Variants in SGCD observed in about 807,000 individuals in gnomAD.
The protein encoded by SGCD is sarcoglycan delta, also known as delta-sarcoglycan.
SGCD carries 18 observed loss-of-function variants against 36.6 expected under a neutral mutation model. The observed-to-expected ratio is 0.49, with a 90% CI of 0.34 to 0.73. SGCD has a LOEUF of 0.73. Among genes scored for constraint, SGCD ranks in the 30% least tolerant of loss-of-function variants. The pLI is 0.01. For synonymous variants in SGCD, 133 were observed against 130.6 expected, an observed-to-expected ratio of 1.02 and a Z score of -0.12; for missense variants, 387 against 346.7, an observed-to-expected ratio of 1.12 and a Z score of -0.92.
chr5:155,956,095 T>G (rs1757643808), intron 1 of SGCD, among the ~76,000 whole-genome samples: 1 of 147,252 alleles, frequency 6.8e-6, no homozygotes, highest in Non-Finnish European at 1.5e-5. Context: ...TGAAATTGCT[T>G]TCTTGCTCTT....
At chr5:156,421,319 G>C (rs529457935) in intron 3 of SGCD, among the ~76,000 whole-genome samples, 1 of 152,060 alleles carries the variant, frequency 6.6e-6, no homozygotes, top group East Asian at 1.9e-4. Flanking sequence ...TCATAATCAG[G>C]TTATGATACA....
At chr5:155,872,844 G>A (rs577044818) in intron 1 of SGCD, among the ~76,000 whole-genome samples, 41 of 152,252 alleles carry the variant, frequency 2.7e-4, no homozygotes, top group Non-Finnish European at 2.9e-4. Flanking sequence ...GGAAAATGTC[G>A]GGATCCAGCA....
At chr5:156,646,628 T>A (rs1763235969) in intron 6 of SGCD, among the ~76,000 whole-genome samples, 1 of 152,172 alleles carries the variant, frequency 6.6e-6, no homozygotes, top group South Asian at 2.1e-4. Flanking sequence ...AGCATCAAAG[T>A]GCACCAAATG....
At chr5:156,567,001 C>A (rs1759506667) in intron 4 of SGCD, among the ~76,000 whole-genome samples, 1 of 152,008 alleles carries the variant, frequency 6.6e-6, no homozygotes, top group African/African-American at 2.4e-5. Context: ...GTTAGAAAGT[C>A]CTCTTCTCAT....
At chr5:156,282,549 C>T (rs1766481346) in intron 3 of SGCD, among the ~76,000 whole-genome samples, 1 of 152,134 alleles carries the variant, frequency 6.6e-6, no homozygotes, top group Non-Finnish European at 1.5e-5. Flanking sequence ...AATTGTAAAG[C>T]ATTTGTGTGT....
chr5:156,548,857 C>T (rs759657719), intron 4 of SGCD, among the ~76,000 whole-genome samples: 4 of 152,144 alleles, frequency 2.6e-5, no homozygotes, highest in African/African-American at 4.8e-5. Context: ...TCTGATCCTG[C>T]GGGAAGAGAT....
chr5:156,437,244 A>T (rs1416584781), intron 3 of SGCD, among the ~76,000 whole-genome samples: 1 of 152,108 alleles, frequency 6.6e-6, no homozygotes, highest in Non-Finnish European at 1.5e-5. Flanking sequence ...TCAATGGTAC[A>T]TATGTTGTGG....
chr5:155,859,604 C>T, the SGCD span, among the ~76,000 whole-genome samples: 2 of 152,164 alleles, frequency 1.3e-5, no homozygotes, highest in Admixed American at 1.3e-4. Flanking sequence ...AGTATTTCAT[C>T]ACTTTTTTGT....
At chr5:156,746,577 C>T (rs1192069113) in intron 7 of SGCD, among the ~76,000 whole-genome samples, 1 of 152,170 alleles carries the variant, frequency 6.6e-6, no homozygotes, top group Admixed American at 6.6e-5. Flanking sequence ...TAGATCCACA[C>T]ATATATGCTT....
At chr5:156,488,112 T>A (rs1304083881) in intron 3 of SGCD, among the ~76,000 whole-genome samples, 1 of 144,986 alleles carries the variant, frequency 6.9e-6, no homozygotes, top group Non-Finnish European at 1.5e-5. Flanking sequence ...TTTTTTTTTT[T>A]TTTTTTTTTT....
intron 3 of SGCD, among the ~76,000 whole-genome samples, chr5:156,130,738 T>C (rs1762302800): frequency 6.6e-6 from 1 of 152,090 alleles, no homozygotes; most frequent in Admixed American, 6.5e-5. Context: ...CTTTTTTTTT[T>C]CTTTTGAGAT....
chr5:155,940,552 A>G (rs1465767536), intron 1 of SGCD, among the ~76,000 whole-genome samples: 1 of 152,204 alleles, frequency 6.6e-6, no homozygotes, highest in Non-Finnish European at 1.5e-5. Context: ...AGTAAGTACT[A>G]AAAACATTAA....
intron 1 of SGCD, among the ~76,000 whole-genome samples, chr5:156,106,914 C>A (rs1425317265): frequency 6.6e-6 from 1 of 152,076 alleles, no homozygotes; most frequent in African/African-American, 2.4e-5. Flanking sequence ...GACTTAAATT[C>A]TTTACCCTGG....
intron 1 of SGCD, among the ~76,000 whole-genome samples, chr5:155,921,991 C>G (rs577061331): frequency 6.6e-6 from 1 of 152,332 alleles, no homozygotes; most frequent in African/African-American, 2.4e-5. Flanking sequence ...TGGACTTGCA[C>G]TTGAGACACA....
chr5:155,943,820 A>G (rs1757382477), intron 1 of SGCD, among the ~76,000 whole-genome samples: 1 of 152,210 alleles, frequency 6.6e-6, no homozygotes, highest in Non-Finnish European at 1.5e-5. Flanking sequence ...AACTCTATTT[A>G]CAGACTCTCC....
chr5:156,295,112 T>C (rs1379912303), intron 3 of SGCD, among the ~76,000 whole-genome samples: 1 of 152,168 alleles, frequency 6.6e-6, no homozygotes, highest in East Asian at 1.9e-4. Flanking sequence ...TCATGGCTTT[T>C]CTTTGTCTGG....
chr5:156,453,681 C>A (rs1407959713), intron 3 of SGCD, among the ~76,000 whole-genome samples: 1 of 152,100 alleles, frequency 6.6e-6, no homozygotes, highest in Non-Finnish European at 1.5e-5. Flanking sequence ...CACAGGACAA[C>A]AGAGAATTGT....
chr5:156,001,901 A>G lies in SGCD; in HGVS notation c.-281-115977A>G, dbSNP rs1758672531. ...CCCAAGCAGCTGGCCAGGCCCTCAA[A>G]AATATGTACTTCTAAGGAGCTCCAA... On this transcript the variant is annotated intron_variant, in intron 1 of 9. Coordinates refer to the SGCD transcript ENST00000517913. 3.3e-5 allele frequency among the ~76,000 whole-genome samples: 5 copies of G among 152,224 alleles called. No homozygotes were observed. In the South Asian group the frequency reaches 8.3e-4, roughly 25 times the overall value.
chr5:156,134,437 C>G (rs2127607605), intron 3 of SGCD, among the ~76,000 whole-genome samples: 1 of 152,286 alleles, frequency 6.6e-6, no homozygotes, highest in East Asian at 1.9e-4. Context: ...CTCTTCTCTT[C>G]CCCCAGTCTT....
Sources: allele counts gnomAD v4.1 joint callset (sites outside exome capture counted in the v4.1 genomes callset), GRCh38; gene constraint gnomAD v4.1.1; transcripts MANE v1.5; gene names NCBI Gene and HGNC (gene_info 2026-07-23, HGNC 2026-07-21).